KCNJ15: variants seen among roughly 807,000 people sequenced by gnomAD.
The protein encoded by KCNJ15 is potassium inwardly rectifying channel subfamily J member 15.
KCNJ15 carries 14 observed loss-of-function variants against 23.0 expected under a neutral mutation model. The ratio of observed to expected loss-of-function variants is 0.61; its 90% CI spans 0.40 to 0.95. The LOEUF is 0.95. Among genes scored for constraint, KCNJ15 ranks in the 40% least tolerant of loss-of-function variants. The probability of loss-of-function intolerance (pLI) is 0.00; values close to 1 mark genes in which losing one functional copy is unlikely to be tolerated. For missense variants in KCNJ15, 388 were observed against 461.8 expected (o/e 0.84, Z 1.46); for synonymous variants, 185 against 183.2 (o/e 1.01, Z -0.08).
intron 1 of KCNJ15, among the ~76,000 whole-genome samples, chr21:38,251,701 GAC>G (rs762727177): frequency 1.3e-5 from 2 of 152,152 alleles, no homozygotes; most frequent in Non-Finnish European, 2.9e-5. Flanking sequence ...AAGAGCTGAG[GAC>G]ACACAGAGGA....
At chr21:38,263,690 T>C (rs1300256983) in intron 1 of KCNJ15, among the ~76,000 whole-genome samples, 3 of 152,136 alleles carry the variant, frequency 2.0e-5, no homozygotes, top group African/African-American at 7.2e-5. Flanking sequence ...TGGCAAGGCA[T>C]CGTGCGATCC....
At chr21:38,282,333 A>G (rs1983436684) in intron 1 of KCNJ15, among the ~76,000 whole-genome samples, 3 of 152,198 alleles carry the variant, frequency 2.0e-5, no homozygotes, top group East Asian at 3.8e-4. Context: ...CTCTTTGTCT[A>G]TGATGGTCAG....
At chr21:38,247,543 T>C (rs1209665581) in intron 1 of KCNJ15, among the ~76,000 whole-genome samples, 2 of 151,602 alleles carry the variant, frequency 1.3e-5, no homozygotes, top group Non-Finnish European at 2.9e-5. Context: ...GATGGATGGA[T>C]GGATGGATGG....
At position 38,300,647 on chromosome 21, in the gene KCNJ15, C is replaced by A; in HGVS notation, c.*258C>A. On this transcript the variant is annotated 3_prime_UTR_variant, in exon 3 of 3. Coordinates refer to ENST00000398938, the MANE Select transcript of KCNJ15 (RefSeq NM_170736.3). ...TAAAATAAAGCTACATTTCTAAGAG[C>A]TTGGTGTAGGGCAATTGGAATAATG... 1 of 426,482 alleles carries A rather than the reference C, an allele frequency of 2.3e-6. No individual in the cohort carries two copies. 26.4% of individuals were successfully genotyped at this position (426,482 alleles called of 1,614,324 possible). A position where few individuals can be genotyped will look rare whatever the true frequency, so the allele number is the denominator to read the frequency against.
rs1294102250 is a variant in KCNJ15, at chr21:38,293,467, A to G, written c.-116-3459A>G. Among the ~76,000 whole-genome samples, 4 of 152,226 alleles carry G rather than the reference A, an allele frequency of 2.6e-5. 1 individual carries two copies. Among genetic ancestry groups the G allele is most frequent in the African/African-American group, 9.6e-5 (4 of 41,460 alleles). ...GATCCTTTGTGGAAGGACCCAGCCGAGAGGCACAGCAAATAGTTGGGAGCA... is the reference window on the plus strand; with the variant it reads ...GATCCTTTGTGGAAGGACCCAGCCGGGAGGCACAGCAAATAGTTGGGAGCA... On this transcript the variant is annotated intron_variant, in intron 1 of 2. Coordinates refer to ENST00000398938, the MANE Select transcript of KCNJ15 (RefSeq NM_170736.3).
chr21:38,242,653 C>A (rs760044267), intron 1 of KCNJ15, among the ~76,000 whole-genome samples: 5 of 152,132 alleles, frequency 3.3e-5, no homozygotes, highest in African/African-American at 4.8e-5. Context: ...CTTCTGGAGG[C>A]CTTCCCTGCT....
upstream of KCNJ15, among the ~76,000 whole-genome samples, chr21:38,255,504 G>A (rs1980143952): frequency 6.6e-6 from 1 of 152,162 alleles, no homozygotes; most frequent in East Asian, 1.9e-4. Context: ...TGGGAGCCCA[G>A]TGTCTTCTTT....
At chr21:38,290,995 A>AACACACACACACACACACAC (rs57018976) in intron 1 of KCNJ15, among the ~76,000 whole-genome samples, 176 of 127,262 alleles carry the variant, frequency 1.4e-3, no homozygotes, top group African/African-American at 4.8e-3. Context: ...AAAAAGGCTA[A>AACACACACACACACACACAC]ACACACACAC....
intron 1 of KCNJ15, among the ~76,000 whole-genome samples, chr21:38,270,335 A>G (rs903010394): frequency 7.2e-5 from 11 of 152,180 alleles, no homozygotes; most frequent in Admixed American, 5.2e-4. Flanking sequence ...CTGAGCTAGA[A>G]TCAGCTCCCT....
intron 1 of KCNJ15, among the ~76,000 whole-genome samples, chr21:38,235,189 CT>C (rs34031948): frequency 6.6e-6 from 1 of 151,850 alleles, no homozygotes; most frequent in Non-Finnish European, 1.5e-5. Flanking sequence ...CTTTCCATTT[CT>C]TTTTTTGTCA....
At chr21:38,291,127 G>A in intron 1 of KCNJ15, among the ~76,000 whole-genome samples, 1 of 152,214 alleles carries the variant, frequency 6.6e-6, no homozygotes, top group Admixed American at 6.5e-5. Flanking sequence ...GAAAACAATG[G>A]GGTGTCTGGG....
chr21:38,293,729 A>ACT (rs879856379), intron 1 of KCNJ15, among the ~76,000 whole-genome samples: 34,865 of 152,094 alleles, frequency 0.23, 4,247 homozygotes, highest in East Asian at 0.34. Context: ...TAGTCTAAGG[A>ACT]AAAAGTGCTT....
rs565014353 is a variant in KCNJ15, at chr21:38,304,157, T to A, written c.*3768T>A. 14 of 151,962 alleles carry A rather than the reference T, an allele frequency of 9.2e-5. No homozygotes were observed. The highest frequency in any genetic ancestry group is 1.6e-4 in the Non-Finnish European group (11 of 67,952). 9.4% of individuals were successfully genotyped at this position (151,962 alleles called of 1,614,324 possible). A position where few individuals can be genotyped will look rare whatever the true frequency, so the allele number is the denominator to read the frequency against. On this transcript the variant is annotated 3_prime_UTR_variant, in exon 3 of 3. Transcript: ENST00000398938. ...GGTACATGTGCACAACGTGCAGGTT[T>A]GTTACATATGTATACATGTGCCATG...
chr21:38,234,226 G>C (rs748935598), intron 1 of KCNJ15, among the ~76,000 whole-genome samples: 1 of 152,200 alleles, frequency 6.6e-6, no homozygotes, highest in Non-Finnish European at 1.5e-5. Context: ...GGCTTTGAAT[G>C]TGGCCCAACA....
intron 1 of KCNJ15, among the ~76,000 whole-genome samples, chr21:38,244,209 T>C (rs2123561859): frequency 6.6e-6 from 1 of 152,324 alleles, no homozygotes; most frequent in East Asian, 1.9e-4. Flanking sequence ...TAAACTGGTT[T>C]CGAACCCACC....
At chr21:38,293,244 G>A (rs1984803633) in intron 1 of KCNJ15, among the ~76,000 whole-genome samples, 1 of 152,028 alleles carries the variant, frequency 6.6e-6, no homozygotes, top group Admixed American at 6.5e-5. Context: ...CAGAAGGAAG[G>A]AACAGCCCAA....
chr21:38,292,968 CAA>C (rs540116040), intron 1 of KCNJ15, among the ~76,000 whole-genome samples: 1,136 of 82,854 alleles, frequency 0.014, 15 homozygotes, highest in African/African-American at 0.033. Flanking sequence ...GATGCTGTCT[CAA>C]AAAAAAAAAA....
chr21:38,262,181 T>TA (rs1347334557), intron 1 of KCNJ15, among the ~76,000 whole-genome samples: 1 of 152,236 alleles, frequency 6.6e-6, no homozygotes, highest in Non-Finnish European at 1.5e-5. Context: ...TTGAAAAGTT[T>TA]ATCCTCTGCT....
rs1979309367 is a variant in KCNJ15, at chr21:38,245,581, GAA to G, written c.-398-11463_-398-11462del. The stretch of plus-strand genomic sequence containing the variant: ...ATAACAAAGAAAGAAAAGAAAGAAA[GAA>G]AGAGAGAGAGAGAAAGAAAGAAAGG... On this transcript the variant is annotated intron_variant, in intron 1 of 4. Transcript: ENST00000547341. Among the ~76,000 whole-genome samples the G allele has an allele frequency of 4.1e-5, 6 of 147,652 alleles. No homozygotes were observed. The South Asian group carries it at 6.4e-4, about 16-fold the overall frequency.
Sources: allele counts gnomAD v4.1 joint callset (sites outside exome capture counted in the v4.1 genomes callset), GRCh38; gene constraint gnomAD v4.1.1; transcripts MANE v1.5; gene names NCBI Gene and HGNC (gene_info 2026-07-23, HGNC 2026-07-21).